Variants in BAALC observed in about 807,000 individuals in gnomAD.
BAALC encodes brain and acute leukemia cytoplasmic protein.
In BAALC, 9 loss-of-function variants were observed where a neutral mutation model predicts 15.5. That is an observed-to-expected ratio of 0.58 (90% confidence interval 0.35 to 1.02). The LOEUF is 1.02. Ranked by LOEUF, BAALC falls within the 50% of genes least tolerant of loss-of-function variation. The probability of loss-of-function intolerance (pLI) is 0.02; values close to 1 mark genes in which losing one functional copy is unlikely to be tolerated. For missense variants in BAALC, 201 were observed against 192.4 expected (o/e 1.04, Z -0.27); for synonymous variants, 80 against 74.6 (o/e 1.07, Z -0.37).
chr8:103,202,330 A>C (rs1403643935), intron 1 of BAALC, among the ~76,000 whole-genome samples: 2 of 152,188 alleles, frequency 1.3e-5, no homozygotes, highest in African/African-American at 2.4e-5. Flanking sequence ...TGTCATAAGA[A>C]GAGATTAGGA....
chr8:103,195,327 C>A (rs1369311758), intron 1 of BAALC, among the ~76,000 whole-genome samples: 5 of 152,212 alleles, frequency 3.3e-5, no homozygotes, highest in Non-Finnish European at 5.9e-5. Flanking sequence ...CTTTACCAAG[C>A]TGAGGTTGGA....
Position 103,221,464 on chromosome 8 carries a change from C to CT in BAALC, c.328-6513dup, listed in dbSNP as rs11336485. On this transcript the variant is annotated intron_variant, in intron 2 of 2. Transcript: ENST00000309982. ...TCTCATTATGGAATTGGGGGCCATA[C>CT]TTTTTTTTTTTTAAGCCAGTAATTG... Among the ~76,000 whole-genome samples the CT allele has an allele frequency of 8.9e-4, 130 of 145,322 alleles. No homozygotes were observed. In the South Asian group the frequency reaches 9.3e-3, roughly 10 times the overall value.
intron 1 of BAALC, among the ~76,000 whole-genome samples, chr8:103,181,222 C>T (rs1811720407): frequency 6.6e-6 from 1 of 152,092 alleles, no homozygotes; most frequent in Non-Finnish European, 1.5e-5. Flanking sequence ...TTCATCTTTG[C>T]AAAAGCTCCC....
At chr8:103,175,074 C>T (rs527456071) in intron 1 of BAALC, among the ~76,000 whole-genome samples, 51 of 152,338 alleles carry the variant, frequency 3.3e-4, no homozygotes, top group Non-Finnish European at 6.0e-4. Context: ...CTTCCTCACT[C>T]CCTGCAGTTA....
chr8:103,227,322 G>A (rs556925955), intron 2 of BAALC, among the ~76,000 whole-genome samples: 2 of 152,302 alleles, frequency 1.3e-5, no homozygotes, highest in East Asian at 1.9e-4. Flanking sequence ...TAGGAGCTAA[G>A]CCACCCAAAA....
intron 1 of BAALC, chr8:103,198,137 A>G: frequency 1.4e-6 from 1 of 702,348 alleles, no homozygotes; most frequent in African/African-American, 1.7e-5. Flanking sequence ...TGCCCTACAG[A>G]AAGTTGGGCA....
chr8:103,141,344 G>T, intron 1 of BAALC: 1 of 369,278 alleles, frequency 2.7e-6, no homozygotes, highest in Non-Finnish European at 4.8e-6. Context: ...CCGGTGGGTG[G>T]GAGGACAGCC....
At position 103,169,910 on chromosome 8, in the gene BAALC, G is replaced by C. The variant is rs922744306; in HGVS notation, c.160+28853G>C. On this transcript the variant is annotated intron_variant, in intron 1 of 2. Transcript: ENST00000309982. ...CTTCTGAAGCCAGTTTTCCACAAAT[G>C]CTTTCTCTCCCCCTTCCAAAGGTAT... Among the ~76,000 whole-genome samples, 39 of 152,284 alleles carry C rather than the reference G, an allele frequency of 2.6e-4. 1 individual carries two copies. Among genetic ancestry groups the C allele is most frequent in the African/African-American group, 8.2e-4 (34 of 41,556 alleles).
intron 1 of BAALC, among the ~76,000 whole-genome samples, chr8:103,159,547 G>A (rs377193779): frequency 1.1e-4 from 16 of 152,116 alleles, no homozygotes; most frequent in African/African-American, 3.1e-4. Flanking sequence ...TTCTTAAAGC[G>A]TCATGATGGA....
At chr8:103,205,051 T>C (rs1340564698) in intron 1 of BAALC, among the ~76,000 whole-genome samples, 1 of 152,200 alleles carries the variant, frequency 6.6e-6, no homozygotes, top group East Asian at 1.9e-4. Context: ...ATTGCCAATG[T>C]CTTATACTTT....
At chr8:103,145,825 G>A (rs1810867020) in intron 1 of BAALC, among the ~76,000 whole-genome samples, 1 of 152,156 alleles carries the variant, frequency 6.6e-6, no homozygotes, top group African/African-American at 2.4e-5. Flanking sequence ...CTTTCCTTAT[G>A]AATCCTGAAT....
intron 1 of BAALC, chr8:103,197,953 T>C: frequency 1.8e-6 from 1 of 564,400 alleles, no homozygotes; most frequent in Non-Finnish European, 3.1e-6. Flanking sequence ...TCAGCCTTCA[T>C]CCCAACGATG....
intron 1 of BAALC, among the ~76,000 whole-genome samples, chr8:103,156,225 C>T (rs1811087614): frequency 6.6e-6 from 1 of 152,200 alleles, no homozygotes; most frequent in Admixed American, 6.5e-5. Context: ...AATAGCTCAG[C>T]ACATGCTGAA....
chr8:103,202,472 A>G (rs1408711736), intron 1 of BAALC, among the ~76,000 whole-genome samples: 2 of 152,250 alleles, frequency 1.3e-5, no homozygotes, highest in Admixed American at 6.5e-5. Flanking sequence ...CTACAGGACT[A>G]TGAGAAAATA....
chr8:103,209,118 T>C (rs905645631), intron 1 of BAALC, among the ~76,000 whole-genome samples: 1 of 152,116 alleles, frequency 6.6e-6, no homozygotes, highest in African/African-American at 2.4e-5. Context: ...ACACCTGTAA[T>C]CCCAGCACTT....
chr8:103,146,027 C>G (rs1416856915), intron 1 of BAALC, among the ~76,000 whole-genome samples: 1 of 151,808 alleles, frequency 6.6e-6, no homozygotes, highest in Non-Finnish European at 1.5e-5. Flanking sequence ...TTTTTTTGCT[C>G]TTTTGTTCAC....
At position 103,228,390 on chromosome 8, in the gene BAALC, G is replaced by C. The variant is rs897428295; in HGVS notation, c.*291G>C. ...TCCTGTAATACGGTCTGGTGTAAAA[G>C]TAGTGAGTTAAAGCTACAGGTCAGT... On this transcript the variant is annotated 3_prime_UTR_variant, in exon 3 of 3. Transcript: ENST00000309982. The C allele has an allele frequency of 6.9e-6, 2 of 291,860 alleles. No homozygotes were observed. Among genetic ancestry groups the C allele is most frequent in the East Asian group, 7.1e-5 (1 of 14,140 alleles). The allele number at this position is 291,860 out of a possible 1,614,324, so 18.1% of individuals were successfully genotyped here. A position where few individuals can be genotyped will look rare whatever the true frequency, so the allele number is the denominator to read the frequency against.
At chr8:103,191,012 A>T (rs138991450) in intron 1 of BAALC, 3,609 of 152,384 alleles carry the variant, frequency 0.024, 70 homozygotes, top group Middle Eastern at 0.041. Context: ...ACTGGACAAC[A>T]TGGTGAAACC....
chr8:103,213,167 T>C, intron 2 of BAALC, 82 bp downstream of exon 2: 1 of 1,479,278 alleles, frequency 6.8e-7, no homozygotes, highest in Non-Finnish European at 9.2e-7. Context: ...CCAGCCGCTA[T>C]GTCCAGGGAG....
Sources: allele counts gnomAD v4.1 joint callset (sites outside exome capture counted in the v4.1 genomes callset), GRCh38; gene constraint gnomAD v4.1.1; transcripts MANE v1.5; gene names NCBI Gene and HGNC (gene_info 2026-07-23, HGNC 2026-07-21).